The following ZNF233 variants were observed in gnomAD, a reference collection of about 807,000 sequenced individuals.
ZNF233 encodes zinc finger protein 233.
A neutral mutation model predicts 11.6 loss-of-function variants in ZNF233; 7 were observed. The observed-to-expected ratio is 0.60, with a 90% confidence interval of 0.34 to 1.13. The LOEUF is 1.13. ZNF233 is among the 50% of genes most tolerant of loss of function. The pLI, the probability that ZNF233 is intolerant of heterozygous loss-of-function variation, is 0.03. For missense variants in ZNF233, 711 were observed against 785.5 expected (o/e 0.91, Z 1.13); for synonymous variants, 226 against 268.5 (o/e 0.84, Z 1.55).
At chr19:44,265,366 T>TATATACAC (rs1402228992) in intron 2 of ZNF233, among the ~76,000 whole-genome samples, 10 of 133,194 alleles carry the variant, frequency 7.5e-5, no homozygotes, top group African/African-American at 2.8e-4. Context: ...CATATATATA[T>TATATACAC]ACACACACAC....
rs1975283997 is a variant in ZNF233, at chr19:44,273,089, G to A, written c.429G>A (p.Val143=). The part of the protein sequence containing the change: ...LLKQGDSPCQ[V]WTGESSQVSE... ...AACAAGGTGATTCCCCCTGTCAGGTGTGGACAGGAGAATCTAGTCAGGTCT... is the reference window on the plus strand; with the variant it reads ...AACAAGGTGATTCCCCCTGTCAGGTATGGACAGGAGAATCTAGTCAGGTCT... The change falls in exon 5 of 5, where the codon GTG becomes GTA. Residue 143 remains valine (V), a synonymous_variant. Transcript: ENST00000683810. 6.2e-7 allele frequency: 1 copy of A among 1,613,998 alleles called. No individual in the cohort carries two copies. The highest frequency in any genetic ancestry group is 1.3e-5 in the African/African-American group (1 of 74,922).
Position 44,274,610 on chromosome 19 carries a change from T to G in ZNF233, c.1950T>G (p.Cys650Trp). The change falls in exon 5 of 5, where the codon TGT (cysteine) becomes TGG (tryptophan). Residue 650 changes from cysteine to tryptophan, a missense_variant. Transcript: ENST00000683810. ...ATACTGGAGAGAAACCATACAAATG[T>G]TTTGTGTGTGGTAAGGGCTTTAGTA... ...RVHTGEKPYK[C>W]FVCGKGFSKS... The G allele has an allele frequency of 6.2e-7, 1 of 1,611,386 alleles. No individual in the cohort carries two copies. Among genetic ancestry groups the G allele is most frequent in the African/African-American group, 1.4e-5 (1 of 73,272 alleles).
At chr19:44,260,605 G>A (rs1825539515) in intron 1 of ZNF233, among the ~76,000 whole-genome samples, 1 of 152,168 alleles carries the variant, frequency 6.6e-6, no homozygotes, top group African/African-American at 2.4e-5. Context: ...GCCTGGGGAT[G>A]TCCACTGTCA....
At chr19:44,259,970 C>G (rs750821246) in intron 1 of ZNF233, 32 bp downstream of exon 1, 4 of 453,170 alleles carry the variant, frequency 8.8e-6, no homozygotes, top group South Asian at 6.2e-5. Context: ...GCATCTACGG[C>G]GAGCTTTCCT....
intron 4 of ZNF233, among the ~76,000 whole-genome samples, chr19:44,269,069 G>T (rs1385936946): frequency 6.6e-6 from 1 of 152,096 alleles, no homozygotes; most frequent in Non-Finnish European, 1.5e-5. Context: ...CATGCTCCAT[G>T]AACGTTGACT....
chr19:44,273,099 G>A lies in ZNF233; in HGVS notation c.439G>A (p.Glu147Lys). The part of the protein sequence containing the change: ...GDSPCQVWTG[E>K]SSQVSEDENY... Reference sequence around the variant, plus strand: ...TTCCCCCTGTCAGGTGTGGACAGGAGAATCTAGTCAGGTCTCTGAAGATGA... The same window carrying A: ...TTCCCCCTGTCAGGTGTGGACAGGAAAATCTAGTCAGGTCTCTGAAGATGA... Residue 147 changes from glutamate to lysine, a missense_variant, in exon 5 of 5, where the codon GAA (glutamate) becomes AAA (lysine). Glu to Lys is a moderately conservative substitution (Grantham distance 56). Coordinates refer to ENST00000683810, the MANE Select transcript of ZNF233 (RefSeq NM_001207005.2). 1.2e-6 allele frequency: 2 copies of A among 1,614,106 alleles called. No homozygotes were observed. Among genetic ancestry groups the A allele is most frequent in the Admixed American group, 1.7e-5 (1 of 60,028 alleles).
At chr19:44,269,119 T>G (rs982495455) in intron 4 of ZNF233, among the ~76,000 whole-genome samples, 2 of 152,194 alleles carry the variant, frequency 1.3e-5, no homozygotes, top group African/African-American at 2.4e-5. Flanking sequence ...CTTCTTTGAC[T>G]GACTGCCTCA....
Position 44,273,718 on chromosome 19 carries a change from A to C in ZNF233, c.1058A>C (p.Gln353Pro), listed in dbSNP as rs748154111. Residue 353 changes from glutamine (Q) to proline (P), a missense_variant, in exon 5 of 5, where the codon CAG becomes CCG. Transcript: ENST00000683810. ...RCQVYARSSN[Q>P]NSCLPSHELT... ...CAGGTATATGCCCGGAGCTCCAACC[A>C]GAACTCCTGTCTTCCCTCTCATGAG... The C allele has an allele frequency of 2.5e-6, 4 of 1,614,092 alleles. No homozygotes were observed. The Admixed American group carries it at 6.7e-5, about 27-fold the overall frequency.
chr19:44,264,775 ATGT>A (rs10585082), intron 2 of ZNF233, among the ~76,000 whole-genome samples: 35,546 of 151,806 alleles, frequency 0.23, 5,843 homozygotes, highest in African/African-American at 0.46. Context: ...TTTTCAGTTA[ATGT>A]TGTTACTAGA....
Position 44,275,078 on chromosome 19 carries a change from T to C in ZNF233, c.*405T>C, listed in dbSNP as rs559370157. The stretch of plus-strand genomic sequence containing the variant: ...TGTGTCCACTAGAATCTAAGCTCCA[T>C]GCAGGAACATTGTTTACTGCTGCAT... On this transcript the variant is annotated 3_prime_UTR_variant, in exon 5 of 5. Coordinates refer to ENST00000683810, the MANE Select transcript of ZNF233 (RefSeq NM_001207005.2). 8.9e-5 allele frequency: 36 copies of C among 404,072 alleles called. No homozygotes were observed. Among genetic ancestry groups the C allele is most frequent in the African/African-American group, 7.0e-4 (34 of 48,756 alleles). 25.0% of individuals were successfully genotyped at this position (404,072 alleles called of 1,614,324 possible). A position where few individuals can be genotyped will look rare whatever the true frequency, so the allele number is the denominator to read the frequency against.
intron 2 of ZNF233, among the ~76,000 whole-genome samples, chr19:44,265,229 G>A (rs1975040249): frequency 1.3e-5 from 2 of 151,992 alleles, no homozygotes. Context: ...CTACTTATGA[G>A]AGAGAACATA....
chr19:44,274,526 T>G lies in ZNF233; in HGVS notation c.1866T>G (p.Cys622Trp). 2 of 1,614,080 alleles carry G rather than the reference T, an allele frequency of 1.2e-6. No homozygotes were observed. The highest frequency in any genetic ancestry group is 3.3e-5 in the Admixed American group (2 of 60,010). ...ACACGGGAGAGAAACCCTATAAATGTGGCATGTGTGGTAAGAGCTTCAGTC... is the reference window on the plus strand; with the variant it reads ...ACACGGGAGAGAAACCCTATAAATGGGGCATGTGTGGTAAGAGCTTCAGTC... ...RIHTGEKPYK[C>W]GMCGKSFSQT... is the part of the protein sequence containing the mutation. Residue 622 changes from cysteine (C) to tryptophan (W), a missense_variant, in exon 5 of 5, where the codon TGT becomes TGG. Coordinates refer to ENST00000683810, the MANE Select transcript of ZNF233 (RefSeq NM_001207005.2).
intron 2 of ZNF233, among the ~76,000 whole-genome samples, chr19:44,264,601 G>A (rs566177920): frequency 7.9e-5 from 12 of 152,144 alleles, no homozygotes; most frequent in Admixed American, 2.0e-4. Context: ...GCAAAAATTC[G>A]TAGATATCAA....
rs971652842 is a variant in ZNF233 at position 44,275,076 on chromosome 19, C to T, written c.*403C>T. 6 of 403,802 alleles carry T rather than the reference C, an allele frequency of 1.5e-5. No homozygotes were observed. The highest frequency in any genetic ancestry group is 2.6e-5 in the Non-Finnish European group (6 of 228,978). 25.0% of individuals were successfully genotyped at this position (403,802 alleles called of 1,614,324 possible). A position where few individuals can be genotyped will look rare whatever the true frequency, so the allele number is the denominator to read the frequency against. On this transcript the variant is annotated 3_prime_UTR_variant, in exon 5 of 5. Coordinates refer to ENST00000683810, the MANE Select transcript of ZNF233 (RefSeq NM_001207005.2). ...TCTGTGTCCACTAGAATCTAAGCTC[C>T]ATGCAGGAACATTGTTTACTGCTGC...
intron 4 of ZNF233, among the ~76,000 whole-genome samples, chr19:44,270,875 G>T (rs1975219965): frequency 6.6e-6 from 1 of 152,152 alleles, no homozygotes; most frequent in Non-Finnish European, 1.5e-5. Context: ...TTATGACCTA[G>T]CATCAGAAGT....
In ZNF233 at chr19:44,266,281, C is replaced by A. The variant is rs772711308; in HGVS notation, c.99C>A (p.Tyr33Ter). 1.9e-6 allele frequency: 3 copies of A among 1,611,296 alleles called. No individual in the cohort carries two copies. The highest frequency in any genetic ancestry group is 1.1e-5 in the South Asian group (1 of 90,808). ...GLLDLAQRKL[Y>*]QDVMLENFRN... ...TGGACCTTGCCCAGAGAAAGCTGTA[C>A]CAAGATGTGATGCTGGAGAACTTCA... Residue 33 changes from tyrosine (Y) to a stop codon, truncating the protein, a stop_gained, in exon 3 of 5, where the codon TAC (tyrosine) becomes TAA (stop). Coordinates refer to ENST00000683810, the MANE Select transcript of ZNF233 (RefSeq NM_001207005.2). LOFTEE classifies it high-confidence loss of function.
intron 3 of ZNF233, 67 bp from the exon 4 acceptor site, chr19:44,266,798 TG>T: frequency 8.8e-7 from 1 of 1,131,248 alleles, no homozygotes; most frequent in South Asian, 1.5e-5. Context: ...ATGAAAATGG[TG>T]GTGTTGGAAT....
In ZNF233 at chr19:44,267,061, A is replaced by C. The variant is rs565723618; in HGVS notation, c.238+100A>C. On this transcript the variant is annotated intron_variant, in intron 4 of 4. Transcript: ENST00000683810. Reference sequence around the variant, plus strand: ...AGCCTGGCCCAAGACCCCAGAATTCATCGCCCTGGTTTACTGCAGCAGCTT... The same window carrying C: ...AGCCTGGCCCAAGACCCCAGAATTCCTCGCCCTGGTTTACTGCAGCAGCTT... 1.6e-4 allele frequency: 132 copies of C among 815,054 alleles called. No individual in the cohort carries two copies. In the African/African-American group the frequency reaches 2.0e-3, roughly 12 times the overall value. 50.5% of individuals were successfully genotyped at this position (815,054 alleles called of 1,614,324 possible).
chr19:44,264,366 C>A lies in ZNF233; in HGVS notation c.6C>A (p.Thr2=). ...CCCAGAAGGAGCAGGAGAAAATGAC[C>A]AAGTTTCAGGTGAGTTGAGTTTTGA... is the stretch of plus-strand genomic sequence containing the variant. The part of the protein sequence containing the change: M[T]KFQEMVTFKD... The change falls in exon 2 of 5, where the codon ACC becomes ACA. Residue 2 remains threonine, a synonymous_variant. Coordinates refer to ENST00000683810, the MANE Select transcript of ZNF233 (RefSeq NM_001207005.2). 6.2e-7 allele frequency: 1 copy of A among 1,613,250 alleles called. No individual in the cohort carries two copies. The highest frequency in any genetic ancestry group is 8.5e-7 in the Non-Finnish European group (1 of 1,179,708).
Sources: allele counts gnomAD v4.1 joint callset (sites outside exome capture counted in the v4.1 genomes callset), GRCh38; gene constraint gnomAD v4.1.1; transcripts MANE v1.5; gene names NCBI Gene and HGNC (gene_info 2026-07-23, HGNC 2026-07-21).